CD36: variants seen among roughly 807,000 people sequenced by gnomAD.
CD36 encodes CD36 molecule (CD36 blood group), also known as platelet glycoprotein 4.
In CD36, 119 loss-of-function variants were observed where a neutral mutation model predicts 55.2. The ratio of observed to expected loss-of-function variants is 2.15; its 90% CI spans 1.86 to 2.51. The LOEUF (loss-of-function observed/expected upper bound fraction) is 2.51. Among genes scored for constraint, CD36 ranks in the 30% most tolerant of loss-of-function variants. The pLI, the probability that CD36 is intolerant of heterozygous loss-of-function variation, is 0.00. For missense variants in CD36, 819 were observed against 555.5 expected, an observed-to-expected ratio of 1.47 and a Z score of -4.77; for synonymous variants, 186 against 193.6, an observed-to-expected ratio of 0.96 and a Z score of 0.33.
At chr7:80,642,146 A>G (rs1394143449) in intron 1 of CD36, among the ~76,000 whole-genome samples, 1 of 152,088 alleles carries the variant, frequency 6.6e-6, no homozygotes, top group Non-Finnish European at 1.5e-5. Flanking sequence ...TCTTCTTTAT[A>G]CAAGTCTCAA....
chr7:80,671,069 T>C lies in CD36; in HGVS notation c.911T>C (p.Val304Ala). ...CCATCCAAGGCCTTTGCCTCTCCAG[T>C]TGAAAACCCAGACAACTATTGTTTC... The part of the protein sequence containing the change: ...VLPSKAFASP[V>A]ENPDNYCFCT... Residue 304 changes from valine to alanine, a missense_variant, in exon 10 of 15, where the codon GTT becomes GCT. Val to Ala is a moderately conservative substitution (Grantham distance 64). Coordinates refer to ENST00000447544, the MANE Select transcript of CD36 (RefSeq NM_001001548.3). 1 of 1,612,786 alleles carries C rather than the reference T, an allele frequency of 6.2e-7. No homozygotes were observed. Among genetic ancestry groups the C allele is most frequent in the Non-Finnish European group, 8.5e-7 (1 of 1,178,914 alleles).
chr7:80,672,043 A>C lies in CD36; in HGVS notation c.1125+3A>C. 1 of 1,601,286 alleles carries C rather than the reference A, an allele frequency of 6.2e-7. No individual in the cohort carries two copies. The highest frequency in any genetic ancestry group is 8.5e-7 in the Non-Finnish European group (1 of 1,170,128). On this transcript the variant is annotated splice_donor_region_variant and intron_variant, in intron 11 of 14. Coordinates refer to ENST00000447544, the MANE Select transcript of CD36 (RefSeq NM_001001548.3). ...GGACATACTTGGATATTGAACCTGT[A>C]AGAAAACACCTTATTGATCTGATTT...
At chr7:80,630,707 G>A (rs4626520) in intron 1 of CD36, among the ~76,000 whole-genome samples, 71,858 of 151,592 alleles carry the variant, frequency 0.47, 17,832 homozygotes, top group Admixed American at 0.55. Context: ...TTTCCCGGAG[G>A]GGTTGTTGAA....
intron 1 of CD36, among the ~76,000 whole-genome samples, chr7:80,617,000 T>C (rs954954719): frequency 6.6e-6 from 1 of 152,196 alleles, no homozygotes; most frequent in Non-Finnish European, 1.5e-5. Context: ...AGGAGAATTG[T>C]GGCTAAAACT....
chr7:80,625,385 C>A (rs964304571), intron 1 of CD36, among the ~76,000 whole-genome samples: 1 of 152,102 alleles, frequency 6.6e-6, no homozygotes, highest in Admixed American at 6.6e-5. Flanking sequence ...TTGTGATGAT[C>A]TAAAACAGTT....
intron 1 of CD36, among the ~76,000 whole-genome samples, chr7:80,616,488 A>T (rs1793166924): frequency 6.6e-6 from 1 of 151,696 alleles, no homozygotes; most frequent in Admixed American, 6.6e-5. Flanking sequence ...ATTTGAGCAG[A>T]TAATTGTGTT....
In CD36 at chr7:80,676,668, G is replaced by T. The variant is rs1393198326; in HGVS notation, c.*285G>T. On this transcript the variant is annotated 3_prime_UTR_variant, in exon 15 of 15. Transcript: ENST00000447544. The stretch of plus-strand genomic sequence containing the variant: ...CTCTATGAATACCTTCATACAGCAG[G>T]TATAACTCTTTTCTTTATGGGCTTA... 6.6e-6 allele frequency: 1 copy of T among 152,126 alleles called. No individual in the cohort carries two copies. The highest frequency in any genetic ancestry group is 2.4e-5 in the African/African-American group (1 of 41,442). 9.4% of individuals were successfully genotyped at this position (152,126 alleles called of 1,614,324 possible).
intron 1 of CD36, among the ~76,000 whole-genome samples, chr7:80,631,823 A>T (rs949856605): frequency 6.6e-6 from 1 of 151,118 alleles, no homozygotes; most frequent in Non-Finnish European, 1.5e-5. Context: ...TTTTATATAT[A>T]TACATAAATG....
At chr7:80,628,450 T>G (rs1030550358) in intron 1 of CD36, among the ~76,000 whole-genome samples, 1 of 152,068 alleles carries the variant, frequency 6.6e-6, no homozygotes, top group Non-Finnish European at 1.5e-5. Context: ...ACATGGTATA[T>G]GTGCTTCATG....
At chr7:80,665,199 CT>C (rs57384753) in intron 7 of CD36, among the ~76,000 whole-genome samples, 3,370 of 146,280 alleles carry the variant, frequency 0.023, 86 homozygotes, top group African/African-American at 0.057. Flanking sequence ...CCATTATTTC[CT>C]TTTTTTTTTT....
intron 7 of CD36, 86 bp from the exon 8 acceptor site, chr7:80,666,354 CAGA>C: frequency 2.4e-6 from 2 of 835,710 alleles, no homozygotes; most frequent in Non-Finnish European, 4.0e-6. Context: ...ATCATATTAA[CAGA>C]AGTATTGAAT....
At chr7:80,611,872 C>G (rs536050752) in intron 1 of CD36, among the ~76,000 whole-genome samples, 1 of 152,146 alleles carries the variant, frequency 6.6e-6, no homozygotes, top group Non-Finnish European at 1.5e-5. Flanking sequence ...TGTGTAGTAT[C>G]TGTGGCTTGG....
chr7:80,664,536 G>A, intron 7 of CD36, 39 bp downstream of exon 7: 3 of 1,048,946 alleles, frequency 2.9e-6, no homozygotes, highest in Non-Finnish European at 4.5e-6. Context: ...TGTTACTAGG[G>A]TACTCTTAAG....
intron 1 of CD36, among the ~76,000 whole-genome samples, chr7:80,616,423 G>C (rs1584279534): frequency 1.9e-5 from 1 of 51,872 alleles, no homozygotes; most frequent in Non-Finnish European, 3.9e-5. Flanking sequence ...GGGACCATCT[G>C]TGTGTGTGTG....
At chr7:80,671,384 T>C (rs3211939) in intron 10 of CD36, among the ~76,000 whole-genome samples, 1,600 of 152,292 alleles carry the variant, frequency 0.011, 28 homozygotes, top group African/African-American at 0.037. Flanking sequence ...CAGAAAATTT[T>C]AGTGCTGATT....
chr7:80,644,088 C>A (rs1345400306), intron 1 of CD36, among the ~76,000 whole-genome samples: 2 of 152,252 alleles, frequency 1.3e-5, no homozygotes, highest in East Asian at 3.9e-4. Flanking sequence ...AAGTGCTTTA[C>A]AATTATGCAT....
chr7:80,608,803 AT>A lies in CD36; in HGVS notation c.-184+6430del, dbSNP rs1018719187. Among the ~76,000 whole-genome samples the A allele has an allele frequency of 4.1e-4, 63 of 151,982 alleles. 3 individuals are homozygous for A. Among genetic ancestry groups the A allele is most frequent in the Non-Finnish European group, 5.9e-5 (4 of 68,006 alleles). On this transcript the variant is annotated intron_variant, in intron 1 of 13. Coordinates refer to the CD36 transcript ENST00000309881. The stretch of plus-strand genomic sequence containing the variant: ...TCAAGCGTAAAACCTGAGACTTACG[AT>A]TTTTTCCTCTCTACCTAACTAATTA...
chr7:80,632,817 G>C (rs980749156), intron 1 of CD36, among the ~76,000 whole-genome samples: 1 of 151,760 alleles, frequency 6.6e-6, no homozygotes, highest in Non-Finnish European at 1.5e-5. Context: ...CTCCACTTTA[G>C]GGACCACCTT....
At chr7:80,628,339 A>G (rs1793865476) in intron 1 of CD36, among the ~76,000 whole-genome samples, 2 of 151,992 alleles carry the variant, frequency 1.3e-5, no homozygotes, top group Non-Finnish European at 1.5e-5. Context: ...CTCTCTTGCT[A>G]CTTATGAATG....
Sources: gnomAD v4.1 joint callset for allele counts (sites outside exome capture counted in the v4.1 genomes callset) on GRCh38, gnomAD v4.1.1 for gene constraint, MANE v1.5 for transcripts, NCBI Gene and HGNC (gene_info 2026-07-23, HGNC 2026-07-21) for gene names.